CSTPP1: variants seen among roughly 807,000 people sequenced by gnomAD.
CSTPP1 encodes the protein centriolar satellite-associated tubulin polyglutamylase complex regulator 1.
At chr11:46,955,371 T>G in the CSTPP1 span, among the ~76,000 whole-genome samples, 1 of 150,184 alleles carries the variant, frequency 6.7e-6, no homozygotes, top group Non-Finnish European at 1.5e-5. Context: ...GTTTTTTTGT[T>G]TTTTTTTTTT....
the CSTPP1 span, among the ~76,000 whole-genome samples, chr11:47,058,422 A>C: frequency 6.6e-6 from 1 of 152,196 alleles, no homozygotes; most frequent in African/African-American, 2.4e-5. Context: ...ATAGAAACAC[A>C]GATCCAGAAA....
At chr11:47,118,170 G>A in the CSTPP1 span, among the ~76,000 whole-genome samples, 13 of 152,072 alleles carry the variant, frequency 8.5e-5, no homozygotes, top group East Asian at 7.7e-4. Flanking sequence ...GAGCCACCGC[G>A]CCTGGCCTCT....
At chr11:47,077,321 T>C in the CSTPP1 span, among the ~76,000 whole-genome samples, 1 of 151,094 alleles carries the variant, frequency 6.6e-6, no homozygotes, top group Non-Finnish European at 1.5e-5. Context: ...TGCCTCAGCC[T>C]CCCAAGCAGC....
At chr11:47,047,037 A>G in the CSTPP1 span, among the ~76,000 whole-genome samples, 1 of 151,614 alleles carries the variant, frequency 6.6e-6, no homozygotes, top group African/African-American at 2.4e-5. Context: ...AAAAGCTGGG[A>G]TTACAGGTGC....
chr11:47,080,014 G>A, the CSTPP1 span, among the ~76,000 whole-genome samples: 1 of 151,970 alleles, frequency 6.6e-6, no homozygotes, highest in Non-Finnish European at 1.5e-5. Flanking sequence ...GGAGAATCAC[G>A]TGAACCCGGA....
At chr11:46,980,229 T>C in the CSTPP1 span, among the ~76,000 whole-genome samples, 1 of 152,172 alleles carries the variant, frequency 6.6e-6, no homozygotes, top group African/African-American at 2.4e-5. Context: ...AAATAGACTT[T>C]AGTTTTTCAT....
chr11:47,014,301 G>A, the CSTPP1 span, among the ~76,000 whole-genome samples: 3 of 148,122 alleles, frequency 2.0e-5, no homozygotes, highest in South Asian at 4.3e-4. Flanking sequence ...GAGGAAGAAA[G>A]AGAGAAGAGA....
At chr11:47,053,921 G>C in the CSTPP1 span, among the ~76,000 whole-genome samples, 1 of 151,998 alleles carries the variant, frequency 6.6e-6, no homozygotes, top group Non-Finnish European at 1.5e-5. Context: ...TCTAGCCTAG[G>C]TGACAGCGAG....
At chr11:47,145,020 G>C in the CSTPP1 span, among the ~76,000 whole-genome samples, 3 of 106,404 alleles carry the variant, frequency 2.8e-5, no homozygotes, top group Non-Finnish European at 5.3e-5. Context: ...ATAGAGTCTT[G>C]CTCTGTCACC....
At chr11:47,096,106 G>A in the CSTPP1 span, among the ~76,000 whole-genome samples, 1 of 152,222 alleles carries the variant, frequency 6.6e-6, no homozygotes, top group Admixed American at 6.5e-5. Context: ...GACTAATTTG[G>A]GGAACTGCTT....
the CSTPP1 span, among the ~76,000 whole-genome samples, chr11:47,049,562 G>A: frequency 6.6e-6 from 1 of 151,978 alleles, no homozygotes; most frequent in East Asian, 2.0e-4. Flanking sequence ...CAGTGCTTGA[G>A]CCTGGAGGGC....
the CSTPP1 span, chr11:47,161,478 C>T: frequency 6.2e-7 from 1 of 1,614,022 alleles, no homozygotes; most frequent in South Asian, 1.1e-5. Flanking sequence ...GCCCAGGTCC[C>T]AGGCCTGGTC....
chr11:46,980,328 C>T, the CSTPP1 span, among the ~76,000 whole-genome samples: 2 of 152,198 alleles, frequency 1.3e-5, no homozygotes, highest in Admixed American at 6.5e-5. Flanking sequence ...TTGTTTGCCT[C>T]TGGCGTGTCT....
chr11:47,096,198 A>G, the CSTPP1 span, among the ~76,000 whole-genome samples: 12 of 152,212 alleles, frequency 7.9e-5, no homozygotes, highest in Admixed American at 2.0e-4. Context: ...TTTTTATTGT[A>G]GTAAAATATA....
chr11:46,955,051 C>G, the CSTPP1 span, among the ~76,000 whole-genome samples: 1 of 152,296 alleles, frequency 6.6e-6, no homozygotes, highest in South Asian at 2.1e-4. Flanking sequence ...CAGACAGGTA[C>G]AGGCTTTCCT....
chr11:47,152,539 G>A, the CSTPP1 span, among the ~76,000 whole-genome samples: 5 of 152,220 alleles, frequency 3.3e-5, no homozygotes, highest in Non-Finnish European at 7.3e-5. Flanking sequence ...GGCAGGGGTA[G>A]CCCTTTGGGA....
chr11:46,940,796 T>C, the CSTPP1 span, among the ~76,000 whole-genome samples: 27 of 152,350 alleles, frequency 1.8e-4, no homozygotes, highest in Admixed American at 1.6e-3. Flanking sequence ...CCTAGACTTT[T>C]TTCCAAAGAT....
the CSTPP1 span, chr11:46,987,303 A>G: frequency 6.2e-7 from 1 of 1,613,498 alleles, no homozygotes. Context: ...CAGGTTCTTC[A>G]CTGAATAGTA....
chr11:46,965,581 G>C, the CSTPP1 span, among the ~76,000 whole-genome samples: 1 of 152,100 alleles, frequency 6.6e-6, no homozygotes, highest in South Asian at 2.1e-4. Context: ...AGTGACAATA[G>C]TAGCATTGTT....
Sources: gnomAD v4.1 joint callset for allele counts (sites outside exome capture counted in the v4.1 genomes callset) on GRCh38, gnomAD v4.1.1 for gene constraint, MANE v1.5 for transcripts, NCBI Gene and HGNC (gene_info 2026-07-23, HGNC 2026-07-21) for gene names.